The following COMMD1 variants were observed in gnomAD, a reference collection of about 807,000 sequenced individuals.
COMMD1 encodes copper metabolism domain containing 1.
In COMMD1, 10 loss-of-function variants were observed where a neutral mutation model predicts 17.2. That is an observed-to-expected ratio of 0.58 (90% CI 0.36 to 0.99). COMMD1 has a LOEUF of 0.99. Ranked by LOEUF, COMMD1 falls within the 50% of genes least tolerant of loss-of-function variation. The pLI, the probability that COMMD1 is intolerant of heterozygous loss-of-function variation, is 0.01. For missense variants in COMMD1, 270 were observed against 231.8 expected (o/e 1.17, Z -1.07); for synonymous variants, 97 against 91.6 (o/e 1.06, Z -0.34).
intron 1 of COMMD1, among the ~76,000 whole-genome samples, chr2:61,912,730 T>G (rs1466967310): frequency 1.4e-5 from 2 of 145,232 alleles, no homozygotes; most frequent in Non-Finnish European, 3.0e-5. Flanking sequence ...CAAGACTCCA[T>G]CTCAAAAAAA....
chr2:61,907,746 A>G (rs1558517383), intron 1 of COMMD1, among the ~76,000 whole-genome samples: 1 of 152,016 alleles, frequency 6.6e-6, no homozygotes, highest in African/African-American at 2.4e-5. Context: ...GCTGGAGTGC[A>G]ATGGTGTGAT....
chr2:62,020,091 T>C (rs1385897172), intron 2 of COMMD1, among the ~76,000 whole-genome samples: 1 of 152,196 alleles, frequency 6.6e-6, no homozygotes. Flanking sequence ...GCTCCTCAGA[T>C]GTATGTAGTT....
At chr2:61,928,003 G>A (rs1670372254) in intron 1 of COMMD1, among the ~76,000 whole-genome samples, 1 of 151,894 alleles carries the variant, frequency 6.6e-6, no homozygotes, top group Admixed American at 6.6e-5. Context: ...GACCTCAGGT[G>A]ATCTGCCCTC....
At position 62,136,000 on chromosome 2, in the gene COMMD1, C is replaced by T. The variant is rs55789322; in HGVS notation, c.*59C>T. 2.0e-4 allele frequency: 174 copies of T among 865,426 alleles called. 5 individuals are homozygous for T. Among genetic ancestry groups the T allele is most frequent in the South Asian group, 1.9e-3 (143 of 75,650 alleles). 53.6% of individuals were successfully genotyped at this position (865,426 alleles called of 1,614,324 possible). On this transcript the variant is annotated 3_prime_UTR_variant, in exon 3 of 3. Coordinates refer to ENST00000311832, the MANE Select transcript of COMMD1 (RefSeq NM_152516.4). ...CCAAGGTGTCCATGATCCCTCCCCA[C>T]TGACCTTTTCTAAGAAAATTCTTGT...
In COMMD1 at chr2:61,990,903, TAC is replaced by T. The variant is rs34009777; in HGVS notation, c.181-9762_181-9761del. Among the ~76,000 whole-genome samples, 351 of 116,152 alleles carry T rather than the reference TAC, an allele frequency of 3.0e-3. 1 individual carries two copies. The highest frequency in any genetic ancestry group is 9.2e-3 in the African/African-American group (282 of 30,626). The allele number at this position is 116,152 out of a possible 152,430, so 76.2% of individuals were successfully genotyped here. ...AAAAAAAAAAAAAAATATATATATA[TAC>T]ACACACACACACACACACACACACA... On this transcript the variant is annotated intron_variant, in intron 1 of 2. Coordinates refer to ENST00000311832, the MANE Select transcript of COMMD1 (RefSeq NM_152516.4).
chr2:61,926,977 A>G (rs1476038103), intron 1 of COMMD1, among the ~76,000 whole-genome samples: 3 of 152,150 alleles, frequency 2.0e-5, no homozygotes, highest in African/African-American at 4.8e-5. Flanking sequence ...AACAATCTCA[A>G]TTGTGTATTT....
At chr2:61,904,697 T>G (rs970702131), upstream of COMMD1, among the ~76,000 whole-genome samples, 4 of 152,242 alleles carry the variant, frequency 2.6e-5, no homozygotes, top group Non-Finnish European at 4.4e-5. Flanking sequence ...ATTTTTCAAT[T>G]GAGATATTCA....
chr2:61,897,728 A>T (rs2105160282), intron 1 of COMMD1, among the ~76,000 whole-genome samples: 1 of 152,252 alleles, frequency 6.6e-6, no homozygotes, highest in East Asian at 1.9e-4. Context: ...CAGCCTGGGC[A>T]ACAAGAGCAA....
chr2:62,057,064 C>T (rs556299069), intron 2 of COMMD1, among the ~76,000 whole-genome samples: 6 of 152,266 alleles, frequency 3.9e-5, no homozygotes, highest in South Asian at 2.1e-4. Context: ...GTATCACTGT[C>T]TCCCACCACC....
chr2:62,103,919 C>T (rs10165684), intron 2 of COMMD1, among the ~76,000 whole-genome samples: 3 of 152,074 alleles, frequency 2.0e-5, no homozygotes, highest in South Asian at 2.1e-4. Flanking sequence ...CGGCTTACTG[C>T]GACCTCTGCC....
At chr2:62,114,322 CAG>C (rs1309061654) in intron 2 of COMMD1, among the ~76,000 whole-genome samples, 3 of 152,034 alleles carry the variant, frequency 2.0e-5, no homozygotes, top group Non-Finnish European at 4.4e-5. Flanking sequence ...GGTATTTTCT[CAG>C]AGGTGGAGAG....
At chr2:61,919,041 T>C (rs1350721262) in intron 1 of COMMD1, among the ~76,000 whole-genome samples, 1 of 152,186 alleles carries the variant, frequency 6.6e-6, no homozygotes, top group Non-Finnish European at 1.5e-5. Context: ...GATGGAGTTT[T>C]GCTCTTGTTG....
chr2:61,923,728 G>A (rs1169310345), intron 1 of COMMD1, among the ~76,000 whole-genome samples: 1 of 152,024 alleles, frequency 6.6e-6, no homozygotes, highest in Non-Finnish European at 1.5e-5. Context: ...GTTTTAATTG[G>A]GCAAGTGACA....
chr2:61,989,598 T>C (rs898337037), intron 1 of COMMD1, among the ~76,000 whole-genome samples: 6 of 151,962 alleles, frequency 3.9e-5, no homozygotes, highest in African/African-American at 1.2e-4. Context: ...TAGCTGGGAT[T>C]ACAGGCATGT....
chr2:61,993,110 G>A (rs534009463), intron 1 of COMMD1, among the ~76,000 whole-genome samples: 1 of 152,230 alleles, frequency 6.6e-6, no homozygotes, highest in South Asian at 2.1e-4. Context: ...AGTCAGCCAT[G>A]GGATAACTTT....
chr2:61,905,352 A>G (rs1217980747), upstream of COMMD1, among the ~76,000 whole-genome samples: 1 of 152,256 alleles, frequency 6.6e-6, no homozygotes, highest in Non-Finnish European at 1.5e-5. Context: ...CCATCTAAAA[A>G]TTAAACTGCC....
chr2:62,081,820 G>GA (rs1253026216), intron 2 of COMMD1, among the ~76,000 whole-genome samples: 1 of 151,844 alleles, frequency 6.6e-6, no homozygotes, highest in East Asian at 1.9e-4. Flanking sequence ...TTTTTCTTCA[G>GA]AAAAAATTTC....
intron 1 of COMMD1, among the ~76,000 whole-genome samples, chr2:61,947,596 T>C (rs1670940956): frequency 6.6e-6 from 1 of 151,986 alleles, no homozygotes; most frequent in Non-Finnish European, 1.5e-5. Flanking sequence ...GGCAGGAGAA[T>C]TGCTTAAACC....
Position 62,068,510 on chromosome 2 carries a change from A to G in COMMD1, c.463-67321A>G, listed in dbSNP as rs1237714580. 2.0e-5 allele frequency among the ~76,000 whole-genome samples: 3 copies of G among 152,208 alleles called. No homozygotes were observed. In the East Asian group the frequency reaches 5.8e-4, roughly 29 times the overall value. On this transcript the variant is annotated intron_variant, in intron 2 of 2. Transcript: ENST00000311832. ...AATTAAAAACTTCTGCTGGAGTTCA[A>G]AATGACTGCTGAAAGTTACTACAAG...
Sources: allele counts gnomAD v4.1 joint callset (sites outside exome capture counted in the v4.1 genomes callset), GRCh38; gene constraint gnomAD v4.1.1; transcripts MANE v1.5; gene names NCBI Gene and HGNC (gene_info 2026-07-23, HGNC 2026-07-21).